OSBP2: variants seen among roughly 807,000 people sequenced by gnomAD.
The protein encoded by OSBP2 is oxysterol binding protein 2, also known as oxysterol-binding protein 2.
A neutral mutation model predicts 96.0 loss-of-function variants in OSBP2; 66 were observed. The ratio of observed to expected loss-of-function variants is 0.69; its 90% CI spans 0.56 to 0.84. The LOEUF (loss-of-function observed/expected upper bound fraction) is 0.84, where lower values mean the gene tolerates loss of function less well. OSBP2 is among the 40% of genes least tolerant of loss of function. The pLI is 0.00. For missense variants in OSBP2, 1,038 were observed against 1,222.7 expected, an observed-to-expected ratio of 0.85 and a Z score of 2.25; for synonymous variants, 525 against 520.9, an observed-to-expected ratio of 1.01 and a Z score of -0.11.
chr22:30,833,353 GA>G (rs1183736714), intron 2 of OSBP2, among the ~76,000 whole-genome samples: 1 of 151,650 alleles, frequency 6.6e-6, no homozygotes, highest in African/African-American at 2.4e-5. Context: ...AATCCAATAG[GA>G]AAAAAAAGCA....
rs546939959 is a variant in OSBP2 at position 30,870,298 on chromosome 22, A to G, written c.854-131A>G. On this transcript the variant is annotated intron_variant, in intron 2 of 13. Coordinates refer to ENST00000332585, the MANE Select transcript of OSBP2 (RefSeq NM_030758.4). The surrounding 1 kb of genome is among the most constrained non-coding windows in gnomAD (Gnocchi z 4.1). ...CACCTCACCCCGGCCAGGAACAGGAACGGGCACCATCTCGGGGACTGATGT... is the reference window on the plus strand; with the variant it reads ...CACCTCACCCCGGCCAGGAACAGGAGCGGGCACCATCTCGGGGACTGATGT... 4.2e-6 allele frequency: 4 copies of G among 954,298 alleles called. No homozygotes were observed. In the South Asian group the frequency reaches 4.9e-5, roughly 12 times the overall value. 59.1% of individuals were successfully genotyped at this position (954,298 alleles called of 1,614,324 possible). A position where few individuals can be genotyped will look rare whatever the true frequency, so the allele number is the denominator to read the frequency against.
intron 1 of OSBP2, among the ~76,000 whole-genome samples, chr22:30,713,043 G>T (rs1264885628): frequency 6.6e-6 from 1 of 151,270 alleles, no homozygotes; most frequent in Non-Finnish European, 1.5e-5. Context: ...CTCCAGAGTA[G>T]CTGGGACTAC....
Position 30,838,910 on chromosome 22 carries a change from T to C in OSBP2, c.854-31519T>C, listed in dbSNP as rs370457957. The stretch of plus-strand genomic sequence containing the variant: ...TGCAGGTTAGTTACATATGTATACA[T>C]GTGGCATGCTGGTGTGCTGCACCCA... On this transcript the variant is annotated intron_variant, in intron 2 of 13. Transcript: ENST00000332585. Among the ~76,000 whole-genome samples, 50 of 151,590 alleles carry C rather than the reference T, an allele frequency of 3.3e-4. 1 individual carries two copies. In the East Asian group the frequency reaches 9.2e-3, roughly 28 times the overall value.
chr22:30,854,193 C>T (rs1470238441), intron 2 of OSBP2, among the ~76,000 whole-genome samples: 4 of 152,084 alleles, frequency 2.6e-5, no homozygotes, highest in African/African-American at 9.7e-5. Flanking sequence ...GTTGTCTGTG[C>T]TGTGTCCTGT....
chr22:30,819,976 C>T (rs145591689), intron 2 of OSBP2, among the ~76,000 whole-genome samples: 3 of 152,314 alleles, frequency 2.0e-5, no homozygotes, highest in Admixed American at 6.5e-5. Flanking sequence ...TCAGATTCCA[C>T]GATACTCATA....
Position 30,871,062 on chromosome 22 carries a change from C to A in OSBP2, c.1107+380C>A, listed in dbSNP as rs899720153. Among the ~76,000 whole-genome samples the A allele has an allele frequency of 2.6e-5, 4 of 152,224 alleles. No homozygotes were observed. Among genetic ancestry groups the A allele is most frequent in the Admixed American group, 2.0e-4 (3 of 15,286 alleles). ...ACACTGGCCCTCGGTGGCTGCTACT[C>A]CTCCTCCCTGGGTTCACTCCCCAGA... On this transcript the variant is annotated intron_variant, in intron 3 of 13. Transcript: ENST00000332585. This position sits in a 1 kb window ranked among gnomAD's most constrained non-coding sequence, Gnocchi z 4.7.
intron 2 of OSBP2, among the ~76,000 whole-genome samples, chr22:30,847,828 T>A (rs2038900962): frequency 6.6e-6 from 1 of 152,208 alleles, no homozygotes; most frequent in Non-Finnish European, 1.5e-5. Flanking sequence ...TGATTTCCCC[T>A]CTTTCATTGC....
chr22:30,854,078 G>A (rs2039030906), intron 2 of OSBP2, among the ~76,000 whole-genome samples: 1 of 151,852 alleles, frequency 6.6e-6, no homozygotes. Flanking sequence ...TTTTCTTAGT[G>A]GTTGTTCTAG....
intron 1 of OSBP2, among the ~76,000 whole-genome samples, chr22:30,705,781 C>A (rs907999286): frequency 3.3e-5 from 5 of 152,118 alleles, no homozygotes; most frequent in East Asian, 1.9e-4. Context: ...CCTGCAGTGA[C>A]CACAATGTGC....
intron 2 of OSBP2, among the ~76,000 whole-genome samples, chr22:30,823,433 G>A (rs752737965): frequency 1.3e-5 from 2 of 152,162 alleles, no homozygotes; most frequent in African/African-American, 2.4e-5. Context: ...TCTGAAACTC[G>A]GAAAAATTAG....
At chr22:30,775,446 A>G (rs2090418006) in intron 2 of OSBP2, among the ~76,000 whole-genome samples, 1 of 150,390 alleles carries the variant, frequency 6.6e-6, no homozygotes, top group South Asian at 2.1e-4. Flanking sequence ...CTTCTCTACT[A>G]AAAATACAAA....
chr22:30,719,611 G>A (rs1361756038), intron 1 of OSBP2, among the ~76,000 whole-genome samples: 4 of 151,792 alleles, frequency 2.6e-5, no homozygotes, highest in African/African-American at 9.7e-5. Context: ...AAAATAAGCC[G>A]GGAGTGGTGG....
Position 30,890,089 on chromosome 22 carries a change from C to T in OSBP2, c.1623+453C>T, listed in dbSNP as rs2039910711. Reference sequence around the variant, plus strand: ...TGGCTACAGTGGCATCTCCACTAGGCCAGACGGTTCTGCTGTGTGACCCAG... The same window carrying T: ...TGGCTACAGTGGCATCTCCACTAGGTCAGACGGTTCTGCTGTGTGACCCAG... On this transcript the variant is annotated intron_variant, in intron 7 of 13. Coordinates refer to ENST00000332585, the MANE Select transcript of OSBP2 (RefSeq NM_030758.4). The surrounding 1 kb of genome is among the most constrained non-coding windows in gnomAD (Gnocchi z 4.4). 6.6e-6 allele frequency among the ~76,000 whole-genome samples: 1 copy of T among 152,210 alleles called. No homozygotes were observed. The highest frequency in any genetic ancestry group is 2.4e-5 in the African/African-American group (1 of 41,452).
chr22:30,802,661 GAGA>G (rs1447810930), intron 2 of OSBP2, among the ~76,000 whole-genome samples: 2 of 152,260 alleles, frequency 1.3e-5, no homozygotes, highest in African/African-American at 4.8e-5. Context: ...CTCTGGGCGA[GAGA>G]AGAAGGCTAA....
intron 2 of OSBP2, among the ~76,000 whole-genome samples, chr22:30,837,620 C>T (rs1263872410): frequency 6.6e-6 from 1 of 152,204 alleles, no homozygotes; most frequent in Non-Finnish European, 1.5e-5. Context: ...GAATCTGGGT[C>T]ACCCTGCAAC....
chr22:30,730,809 A>ACT (rs1569100781), intron 1 of OSBP2, among the ~76,000 whole-genome samples: 2 of 21,276 alleles, frequency 9.4e-5, no homozygotes, highest in African/African-American at 3.9e-4. Context: ...TATATATATA[A>ACT]TTTTTTTTTT....
In OSBP2 at chr22:30,695,533, T is replaced by C. The variant is rs2089012583; in HGVS notation, c.624T>C (p.Asn208=). Residue 208 remains asparagine, a synonymous_variant, in exon 1 of 14, where the codon AAT becomes AAC. Transcript: ENST00000332585. ...GYQRRWFVLG[N]GLLSYYRNQG... ...AGCGCCGCTGGTTCGTGCTGGGCAA[T>C]GGTTTGCTCTCTTACTACAGGTATG... is the stretch of plus-strand genomic sequence containing the variant. 3 of 1,610,000 alleles carry C rather than the reference T, an allele frequency of 1.9e-6. No homozygotes were observed. Among genetic ancestry groups the C allele is most frequent in the African/African-American group, 2.7e-5 (2 of 75,022 alleles).
At chr22:30,757,184 C>T (rs1320835111) in intron 2 of OSBP2, among the ~76,000 whole-genome samples, 1 of 152,168 alleles carries the variant, frequency 6.6e-6, no homozygotes, top group Non-Finnish European at 1.5e-5. Context: ...TATATTTTCA[C>T]TGCTGCCTCC....
chr22:30,721,562 TTG>T (rs2089553164), intron 1 of OSBP2, among the ~76,000 whole-genome samples: 1 of 152,184 alleles, frequency 6.6e-6, no homozygotes, highest in African/African-American at 2.4e-5. Flanking sequence ...CAGGCTGCTG[TTG>T]TGTTTCGACA....
Sources: allele counts gnomAD v4.1 joint callset (sites outside exome capture counted in the v4.1 genomes callset), GRCh38; gene constraint gnomAD v4.1.1; non-coding constraint Gnocchi (gnomAD v3.1); transcripts MANE v1.5; gene names NCBI Gene and HGNC (gene_info 2026-07-23, HGNC 2026-07-21).